The following ATP2B2 variants were observed in gnomAD, a reference collection of about 807,000 sequenced individuals.
The protein encoded by ATP2B2 is plasma membrane calcium-transporting ATPase 2.
ATP2B2 carries 15 observed loss-of-function variants against 120.0 expected under a neutral mutation model. That is an observed-to-expected ratio of 0.12 (90% CI 0.08 to 0.19). The LOEUF is 0.19. ATP2B2 is among the 10% of genes least tolerant of loss of function. The pLI, the probability that ATP2B2 is intolerant of heterozygous loss-of-function variation, is 1.00. For missense variants in ATP2B2, 1,045 were observed against 1,719.8 expected, an observed-to-expected ratio of 0.61 and a Z score of 6.94; for synonymous variants, 694 against 700.3, an observed-to-expected ratio of 0.99 and a Z score of 0.14.
chr3:10,335,412 G>T (rs2060088207), intron 22 of ATP2B2, among the ~76,000 whole-genome samples: 1 of 152,182 alleles, frequency 6.6e-6, no homozygotes, highest in Admixed American at 6.5e-5. Context: ...ACAGGAAGCG[G>T]GCAGAGACTC....
At chr3:10,675,726 C>A (rs761817141) in intron 1 of ATP2B2, among the ~76,000 whole-genome samples, 2 of 152,234 alleles carry the variant, frequency 1.3e-5, no homozygotes, top group Non-Finnish European at 2.9e-5. Context: ...TTCAGAACTG[C>A]AAGTCCCTGG....
intron 1 of ATP2B2, among the ~76,000 whole-genome samples, chr3:10,625,136 G>T (rs183127007): frequency 3.3e-5 from 5 of 152,354 alleles, no homozygotes; most frequent in Non-Finnish European, 4.4e-5. Context: ...AGGTGAGGAC[G>T]TGGTATTCTG....
chr3:10,436,197 A>G (rs763893652), intron 2 of ATP2B2, among the ~76,000 whole-genome samples: 1 of 152,272 alleles, frequency 6.6e-6, no homozygotes, highest in Non-Finnish European at 1.5e-5. Context: ...TATAGCCATC[A>G]TTAGAAATCA....
At chr3:10,655,432 T>C (rs7649180) in intron 1 of ATP2B2, among the ~76,000 whole-genome samples, 31,556 of 148,072 alleles carry the variant, frequency 0.21, 6,110 homozygotes, top group African/African-American at 0.5. Context: ...GTAAATTCTA[T>C]TTTGTAAATT....
At chr3:10,332,764 G>A (rs2125333310) in intron 22 of ATP2B2, among the ~76,000 whole-genome samples, 1 of 152,254 alleles carries the variant, frequency 6.6e-6, no homozygotes, top group South Asian at 2.1e-4. Flanking sequence ...CCTTGCTGTG[G>A]TCACCCTGGC....
chr3:10,358,994 C>T, intron 13 of ATP2B2, 69 bp from the exon 14 acceptor site: 1 of 1,459,478 alleles, frequency 6.9e-7, no homozygotes, highest in Admixed American at 1.8e-5. Flanking sequence ...GAGACCACCT[C>T]CCCACCCTCG....
intron 3 of ATP2B2, among the ~76,000 whole-genome samples, chr3:10,530,613 G>A (rs11919727): frequency 0.066 from 10,090 of 152,206 alleles, 505 homozygotes; most frequent in East Asian, 0.27. Context: ...TCGTTCTCTC[G>A]TTGAAGAGAG....
chr3:10,593,340 G>A (rs1050715948), intron 2 of ATP2B2, among the ~76,000 whole-genome samples: 3 of 152,202 alleles, frequency 2.0e-5, no homozygotes, highest in African/African-American at 4.8e-5. Flanking sequence ...TCACAGCCAT[G>A]AGAAAACAGA....
chr3:10,454,369 C>G (rs2064179717), intron 1 of ATP2B2, among the ~76,000 whole-genome samples: 1 of 152,140 alleles, frequency 6.6e-6, no homozygotes, highest in Admixed American at 6.5e-5. Flanking sequence ...CATGAAGAAA[C>G]TGAAATACAC....
chr3:10,472,558 TCTC>T (rs2065057856), intron 1 of ATP2B2, among the ~76,000 whole-genome samples: 1 of 152,172 alleles, frequency 6.6e-6, no homozygotes, highest in African/African-American at 2.4e-5. Context: ...ACACCGCTCT[TCTC>T]TTGTTCACGG....
At chr3:10,607,109 A>C (rs529559821) in intron 2 of ATP2B2, among the ~76,000 whole-genome samples, 2 of 152,242 alleles carry the variant, frequency 1.3e-5, no homozygotes, top group African/African-American at 4.8e-5. Context: ...ATCTTTTCCA[A>C]CTTCACACAG....
At chr3:10,578,873 G>A (rs1297537607) in intron 2 of ATP2B2, among the ~76,000 whole-genome samples, 1 of 152,204 alleles carries the variant, frequency 6.6e-6, no homozygotes, top group African/African-American at 2.4e-5. Flanking sequence ...AATCTACCGT[G>A]GTAATGGTCA....
At position 10,349,758 on chromosome 3, in the gene ATP2B2, T is replaced by C. The variant is rs528196612; in HGVS notation, c.2404+354A>G. Among the ~76,000 whole-genome samples, 4 of 152,064 alleles carry C rather than the reference T, an allele frequency of 2.6e-5. No homozygotes were observed. The East Asian group carries it at 7.8e-4, about 30-fold the overall frequency. On this transcript the variant is annotated intron_variant, in intron 16 of 22. Transcript: ENST00000360273. ...CTATGTCAAAGGTGAGAGAGCAGGG[T>C]CTGCGTAGTCTTTCAAATCCATCAT...
At position 10,417,073 on chromosome 3, in the gene ATP2B2, G is replaced by A. The variant is rs1460226753; in HGVS notation, c.200-6258C>T. ...TCCTCACTTCCCAGACGGCGGCGGGGGGGGGCGGGCAGAGGGGCTCCTCAT... is the reference window on the plus strand; with the variant it reads ...TCCTCACTTCCCAGACGGCGGCGGGAGGGGGCGGGCAGAGGGGCTCCTCAT... On this transcript the variant is annotated intron_variant, in intron 2 of 22. Coordinates refer to ENST00000360273, the MANE Select transcript of ATP2B2 (RefSeq NM_001001331.4). Among the ~76,000 whole-genome samples the A allele has an allele frequency of 2.8e-5, 4 of 141,530 alleles. 1 individual carries two copies. The highest frequency in any genetic ancestry group is 1.2e-4 in the African/African-American group (4 of 32,582). 92.8% of individuals were successfully genotyped at this position (141,530 alleles called of 152,430 possible). A position where few individuals can be genotyped will look rare whatever the true frequency, so the allele number is the denominator to read the frequency against.
chr3:10,380,511 T>C (rs976279323), intron 8 of ATP2B2, among the ~76,000 whole-genome samples: 1 of 152,174 alleles, frequency 6.6e-6, no homozygotes, highest in Non-Finnish European at 1.5e-5. Context: ...ATGAAGGGTG[T>C]GCTTGTATTA....
At chr3:10,464,730 A>G (rs981374376) in intron 1 of ATP2B2, among the ~76,000 whole-genome samples, 1 of 152,104 alleles carries the variant, frequency 6.6e-6, no homozygotes, top group Non-Finnish European at 1.5e-5. Flanking sequence ...CCTCCCTCCC[A>G]GGGTTGTTGG....
In ATP2B2 at chr3:10,654,795, C is replaced by T. The variant is rs556765328; in HGVS notation, c.-459-34834G>A. 9.4e-5 allele frequency among the ~76,000 whole-genome samples: 13 copies of T among 138,144 alleles called. No individual in the cohort carries two copies. The South Asian group carries it at 1.8e-3, about 20-fold the overall frequency. 90.6% of individuals were successfully genotyped at this position (138,144 alleles called of 152,430 possible). ...GGAAGCTGGTAAAAAAAAAAAAAAA[C>T]GCAGACTCTGGGGCTCCCTGGAGAG... On this transcript the variant is annotated intron_variant, in intron 1 of 21. Coordinates refer to the ATP2B2 transcript ENST00000646379.
At chr3:10,331,037 A>C (rs2059964800) in intron 22 of ATP2B2, among the ~76,000 whole-genome samples, 4 of 152,092 alleles carry the variant, frequency 2.6e-5, no homozygotes, top group Non-Finnish European at 2.9e-5. Flanking sequence ...TCTGAAAAGC[A>C]CCTCTGTCCT....
intron 2 of ATP2B2, among the ~76,000 whole-genome samples, chr3:10,608,546 T>C (rs1172367484): frequency 6.6e-6 from 1 of 152,262 alleles, no homozygotes; most frequent in Non-Finnish European, 1.5e-5. Context: ...GCTGGCTCTC[T>C]GCAGCCTCTG....
Sources: allele counts gnomAD v4.1 joint callset (sites outside exome capture counted in the v4.1 genomes callset), GRCh38; gene constraint gnomAD v4.1.1; transcripts MANE v1.5; gene names NCBI Gene and HGNC (gene_info 2026-07-23, HGNC 2026-07-21).